LRRC4C: variants seen among roughly 807,000 people sequenced by gnomAD.
LRRC4C encodes leucine-rich repeat-containing protein 4C.
In LRRC4C, 5 loss-of-function variants were observed where a neutral mutation model predicts 33.6. The observed-to-expected ratio is 0.15, with a 90% CI of 0.08 to 0.31. The LOEUF (loss-of-function observed/expected upper bound fraction) is 0.31, where lower values mean the gene tolerates loss of function less well. Ranked by LOEUF, LRRC4C falls within the 10% of genes least tolerant of loss-of-function variation. LRRC4C has a pLI of 1.00. For synonymous variants in LRRC4C, 329 were observed against 302.0 expected, an observed-to-expected ratio of 1.09 and a Z score of -0.93; for missense variants, 560 against 796.7, an observed-to-expected ratio of 0.70 and a Z score of 3.58.
At chr11:41,249,642 C>T (rs1948575706) in intron 1 of LRRC4C, among the ~76,000 whole-genome samples, 3 of 152,164 alleles carry the variant, frequency 2.0e-5, no homozygotes, top group Admixed American at 6.5e-5. Flanking sequence ...ATGTTTTCAT[C>T]TGCAGGCCTT....
intron 2 of LRRC4C, among the ~76,000 whole-genome samples, chr11:40,787,654 T>C (rs1565062513): frequency 1.3e-5 from 2 of 152,218 alleles, no homozygotes; most frequent in Non-Finnish European, 2.9e-5. Context: ...GAATGCACAA[T>C]CAGCCATCTT....
At chr11:40,601,379 G>A (rs1232435057) in intron 3 of LRRC4C, among the ~76,000 whole-genome samples, 2 of 152,040 alleles carry the variant, frequency 1.3e-5, no homozygotes, top group Admixed American at 1.3e-4. Context: ...TTCCTCTAAA[G>A]GCCCAGATAT....
At chr11:40,215,404 A>T (rs1863905218) in intron 5 of LRRC4C, among the ~76,000 whole-genome samples, 2 of 152,142 alleles carry the variant, frequency 1.3e-5, no homozygotes, top group African/African-American at 4.8e-5. Context: ...TCTACTAAGC[A>T]TTTTCACATC....
At chr11:40,857,973 A>C (rs1186199912) in intron 2 of LRRC4C, among the ~76,000 whole-genome samples, 1 of 71,778 alleles carries the variant, frequency 1.4e-5, no homozygotes, top group Admixed American at 1.6e-4. Flanking sequence ...GGGAAAGGGA[A>C]AGGGAAAGGG....
rs560117538 is a variant in LRRC4C at position 40,708,970 on chromosome 11, C to T, written c.-406-60692G>A. ...GATCCCTTTACCATTATATAAGGGCCTTCTTTGTCTCTTTCAATCTTTAAA... is the reference window on the plus strand; with the variant it reads ...GATCCCTTTACCATTATATAAGGGCTTTCTTTGTCTCTTTCAATCTTTAAA... On this transcript the variant is annotated intron_variant, in intron 2 of 6. Transcript: ENST00000528697. Among the ~76,000 whole-genome samples the T allele has an allele frequency of 7.9e-5, 12 of 152,136 alleles. No individual in the cohort carries two copies. The South Asian group carries it at 2.5e-3, about 32-fold the overall frequency.
At chr11:40,426,729 A>G (rs1678620397) in intron 3 of LRRC4C, among the ~76,000 whole-genome samples, 1 of 152,222 alleles carries the variant, frequency 6.6e-6, no homozygotes, top group Admixed American at 6.5e-5. Flanking sequence ...AATACTTAGA[A>G]TAGTTCCAGG....
intron 3 of LRRC4C, among the ~76,000 whole-genome samples, chr11:40,456,875 G>T (rs1477830252): frequency 2.0e-5 from 3 of 150,268 alleles, no homozygotes; most frequent in Admixed American, 6.7e-5. Flanking sequence ...GAAAGAGAAA[G>T]AGCATGGAGA....
chr11:41,216,313 A>G (rs1947060409), intron 1 of LRRC4C, among the ~76,000 whole-genome samples: 1 of 152,346 alleles, frequency 6.6e-6, no homozygotes, highest in African/African-American at 2.4e-5. Context: ...CCGCTATGCA[A>G]TCAACATTAA....
At chr11:40,711,041 C>A (rs1301713221) in intron 2 of LRRC4C, among the ~76,000 whole-genome samples, 1 of 152,190 alleles carries the variant, frequency 6.6e-6, no homozygotes, top group African/African-American at 2.4e-5. Flanking sequence ...TTGCTAAGAC[C>A]ACTGGAAAAG....
intron 3 of LRRC4C, among the ~76,000 whole-genome samples, chr11:40,641,693 C>G (rs1242733553): frequency 6.6e-6 from 1 of 152,170 alleles, no homozygotes; most frequent in Non-Finnish European, 1.5e-5. Flanking sequence ...ACATGGCTTA[C>G]TTTTGCTTCA....
chr11:41,046,668 A>G (rs1857796604), intron 1 of LRRC4C, among the ~76,000 whole-genome samples: 1 of 152,158 alleles, frequency 6.6e-6, no homozygotes, highest in East Asian at 1.9e-4. Context: ...GAATTAATAA[A>G]TCAGCCAAAC....
intron 2 of LRRC4C, among the ~76,000 whole-genome samples, chr11:40,820,014 T>G (rs1951864861): frequency 6.6e-6 from 1 of 151,818 alleles, no homozygotes; most frequent in Non-Finnish European, 1.5e-5. Context: ...ACCACTAATG[T>G]CAACAAACTT....
chr11:41,413,589 G>A (rs1954571805), intron 1 of LRRC4C, among the ~76,000 whole-genome samples: 1 of 152,146 alleles, frequency 6.6e-6, no homozygotes, highest in Non-Finnish European at 1.5e-5. Flanking sequence ...CAGATAACTT[G>A]TCCATCCATG....
intron 3 of LRRC4C, among the ~76,000 whole-genome samples, chr11:40,524,494 T>C (rs1357227854): frequency 6.6e-6 from 1 of 152,150 alleles, no homozygotes; most frequent in African/African-American, 2.4e-5. Context: ...GCTAAATAAT[T>C]GTTATTTAGT....
chr11:40,646,685 C>A (rs1395805669), intron 3 of LRRC4C, among the ~76,000 whole-genome samples: 3 of 152,210 alleles, frequency 2.0e-5, no homozygotes, highest in African/African-American at 7.2e-5. Context: ...CGGCTCACTG[C>A]AAGCTCCGCC....
At chr11:41,264,591 G>A (rs1332105811) in intron 1 of LRRC4C, among the ~76,000 whole-genome samples, 1 of 152,096 alleles carries the variant, frequency 6.6e-6, no homozygotes, top group Non-Finnish European at 1.5e-5. Context: ...AATGGAAAAT[G>A]TGGAATTGGG....
intron 3 of LRRC4C, among the ~76,000 whole-genome samples, chr11:40,588,442 A>G (rs1465499590): frequency 6.6e-6 from 1 of 151,514 alleles, no homozygotes. Context: ...TGGATTCATT[A>G]ATTTTTTGAA....
intron 1 of LRRC4C, among the ~76,000 whole-genome samples, chr11:41,131,429 T>A (rs1565411801): frequency 1.3e-5 from 2 of 152,126 alleles, no homozygotes; most frequent in Admixed American, 6.6e-5. Context: ...CCTTTCCTAT[T>A]TAAACTACAA....
chr11:40,439,048 A>G (rs1951270985), intron 3 of LRRC4C, among the ~76,000 whole-genome samples: 2 of 146,734 alleles, frequency 1.4e-5, no homozygotes, highest in South Asian at 4.3e-4. Context: ...CTCCTGCCTC[A>G]GCCTCCCTAG....
Sources: allele counts gnomAD v4.1 joint callset (sites outside exome capture counted in the v4.1 genomes callset), GRCh38; gene constraint gnomAD v4.1.1; transcripts MANE v1.5; gene names NCBI Gene and HGNC (gene_info 2026-07-23, HGNC 2026-07-21).